GNA13: variants seen among roughly 807,000 people sequenced by gnomAD.
GNA13 encodes the protein G protein subunit alpha 13, also known as guanine nucleotide-binding protein subunit alpha-13.
Under a neutral mutation model 33.5 loss-of-function variants are expected in GNA13, and 4 were observed. The observed-to-expected ratio is 0.12, with a 90% CI of 0.06 to 0.27. The LOEUF (loss-of-function observed/expected upper bound fraction) is 0.27. Ranked by LOEUF, GNA13 falls within the 10% of genes least tolerant of loss-of-function variation. The pLI is 1.00. For synonymous variants in GNA13, 176 were observed against 183.8 expected (o/e 0.96, Z 0.34); for missense variants, 319 against 487.2 (o/e 0.65, Z 3.25).
At position 65,012,627 on chromosome 17, in the gene GNA13, T is replaced by G. The variant is rs1378806424; in HGVS notation, c.*1630A>C. ...AGTCAGGTATGTCAAGAACAATCCCTGGTTAGTTCACTGAAAAGCCCCACT... is the reference window on the plus strand; with the variant it reads ...AGTCAGGTATGTCAAGAACAATCCCGGGTTAGTTCACTGAAAAGCCCCACT... On this transcript the variant is annotated 3_prime_UTR_variant, in exon 4 of 4. Coordinates refer to ENST00000439174, the MANE Select transcript of GNA13 (RefSeq NM_006572.6). 1 of 229,250 alleles carries G rather than the reference T, an allele frequency of 4.4e-6. No individual in the cohort carries two copies. The highest frequency in any genetic ancestry group is 2.2e-5 in the African/African-American group (1 of 45,096). 14.2% of individuals were successfully genotyped at this position (229,250 alleles called of 1,614,324 possible). A position where few individuals can be genotyped will look rare whatever the true frequency, so the allele number is the denominator to read the frequency against.
At chr17:65,024,345 G>A (rs150573026) in intron 2 of GNA13, among the ~76,000 whole-genome samples, 2 of 152,310 alleles carry the variant, frequency 1.3e-5, no homozygotes, top group East Asian at 1.9e-4. Flanking sequence ...GATCAGAATG[G>A]AGGAATATTT....
chr17:65,053,758 T>C (rs376764889), intron 1 of GNA13, 30 bp from the exon 2 acceptor site: 7 of 1,308,726 alleles, frequency 5.3e-6, no homozygotes, highest in Non-Finnish European at 4.4e-6. Context: ...AAAAAATGTA[T>C]GGAGAGGAGT....
Position 65,020,718 on chromosome 17 carries a change from T to G in GNA13, c.511-2415A>C, listed in dbSNP as rs182661761. On this transcript the variant is annotated intron_variant, in intron 2 of 3. Coordinates refer to ENST00000439174, the MANE Select transcript of GNA13 (RefSeq NM_006572.6). ...CAGGCTGGGGTGCAATGGCGCGATC[T>G]TGGCTCAATACAACCTCCACCTCCC... Among the ~76,000 whole-genome samples, 3 of 152,046 alleles carry G rather than the reference T, an allele frequency of 2.0e-5. No individual in the cohort carries two copies. In the East Asian group the frequency reaches 5.8e-4, roughly 29 times the overall value.
intron 2 of GNA13, among the ~76,000 whole-genome samples, chr17:65,036,969 T>C (rs1018042974): frequency 1.3e-5 from 2 of 152,314 alleles, no homozygotes; most frequent in African/African-American, 2.4e-5. Flanking sequence ...GCAGTTCACT[T>C]GGGTTGCTAG....
At chr17:65,047,188 A>G (rs1381547247) in intron 2 of GNA13, among the ~76,000 whole-genome samples, 3 of 152,230 alleles carry the variant, frequency 2.0e-5, no homozygotes, top group African/African-American at 4.8e-5. Flanking sequence ...CTGACATCTG[A>G]TCAATTTCAT....
intron 2 of GNA13, among the ~76,000 whole-genome samples, chr17:65,046,120 G>T (rs1050325062): frequency 3.3e-5 from 5 of 152,098 alleles, no homozygotes; most frequent in Non-Finnish European, 5.9e-5. Context: ...CTTTTTTGTG[G>T]ACCTGACACT....
At chr17:65,052,791 G>A (rs939509202) in intron 2 of GNA13, among the ~76,000 whole-genome samples, 3 of 152,228 alleles carry the variant, frequency 2.0e-5, no homozygotes, top group Admixed American at 6.5e-5. Context: ...CAATTTGGGA[G>A]GTCAAAGTGG....
chr17:65,025,267 C>A (rs182576137), intron 2 of GNA13, among the ~76,000 whole-genome samples: 2 of 152,244 alleles, frequency 1.3e-5, no homozygotes, highest in East Asian at 3.9e-4. Context: ...ACTATCAGGC[C>A]TTCTTTTGGG....
intron 2 of GNA13, among the ~76,000 whole-genome samples, chr17:65,020,027 T>C (rs527396732): frequency 1.3e-5 from 2 of 152,242 alleles, no homozygotes; most frequent in Non-Finnish European, 2.9e-5. Context: ...CAAATGATGA[T>C]GTCTCTGGAC....
chr17:65,023,822 A>C (rs947480316), intron 2 of GNA13, among the ~76,000 whole-genome samples: 1 of 152,266 alleles, frequency 6.6e-6, no homozygotes, highest in Non-Finnish European at 1.5e-5. Flanking sequence ...AATCCATTTA[A>C]CTACGCAAAT....
chr17:65,018,590 T>C (rs983866904), intron 2 of GNA13, among the ~76,000 whole-genome samples: 1 of 152,174 alleles, frequency 6.6e-6, no homozygotes, highest in Non-Finnish European at 1.5e-5. Context: ...TAACTACGTA[T>C]CCACAGTGAA....
intron 2 of GNA13, among the ~76,000 whole-genome samples, chr17:65,023,401 C>T (rs1341185554): frequency 1.3e-5 from 2 of 152,196 alleles, no homozygotes; most frequent in Admixed American, 6.5e-5. Flanking sequence ...GTCTTAGCAG[C>T]GCTAAAGTTT....
In GNA13 at chr17:65,037,777, G is replaced by GAAAAAAAAAAA. The variant is rs145051963; in HGVS notation, c.510+15724_510+15725insTTTTTTTTTTT. Among the ~76,000 whole-genome samples the GAAAAAAAAAAA allele has an allele frequency of 8.9e-4, 73 of 82,054 alleles. 7 individuals carry two copies. The highest frequency in any genetic ancestry group is 1.5e-3 in the African/African-American group (30 of 19,714). 53.8% of individuals were successfully genotyped at this position (82,054 alleles called of 152,430 possible). ...AGAGAGACCCAGCCTCTACAAAAAT[G>GAAAAAAAAAAA]GAAAAAAAAAAAAAAAAAAAAAAGA... On this transcript the variant is annotated intron_variant, in intron 2 of 3. Transcript: ENST00000439174.
At chr17:65,025,149 C>T (rs538173740) in intron 2 of GNA13, among the ~76,000 whole-genome samples, 57 of 152,250 alleles carry the variant, frequency 3.7e-4, no homozygotes, top group African/African-American at 1.3e-3. Context: ...CCACCCACTT[C>T]GGCCTCCGGG....
chr17:65,046,902 G>A (rs915251677), intron 2 of GNA13, among the ~76,000 whole-genome samples: 5 of 152,262 alleles, frequency 3.3e-5, no homozygotes, highest in Middle Eastern at 3.4e-3. Flanking sequence ...AATTCCGGAA[G>A]CTTTAGCACC....
At chr17:65,018,092 T>TAAAAAAAAAAAAAAAAAAAAAAAAAAAA (rs767082596) in intron 3 of GNA13, among the ~76,000 whole-genome samples, 161 bp downstream of exon 3, 1 of 21,474 alleles carries the variant, frequency 4.7e-5, no homozygotes, top group African/African-American at 1.4e-4. Context: ...ACGCCACCAC[T>TAAAAAAAAAAAAAAAAAAAAAAAAAAAA]AAAAAAAAAA....
chr17:65,037,573 T>G (rs1332274873), intron 2 of GNA13, among the ~76,000 whole-genome samples: 1 of 151,960 alleles, frequency 6.6e-6, no homozygotes, highest in Non-Finnish European at 1.5e-5. Flanking sequence ...TCTCCTACCT[T>G]TCTGGCCACT....
intron 2 of GNA13, among the ~76,000 whole-genome samples, chr17:65,036,135 ACT>A (rs1319439625): frequency 6.6e-6 from 1 of 152,014 alleles, no homozygotes; most frequent in Non-Finnish European, 1.5e-5. Context: ...TCCCAACCAA[ACT>A]CTCTCCAGAA....
chr17:65,021,744 T>C (rs917067890), intron 2 of GNA13, among the ~76,000 whole-genome samples: 4 of 152,118 alleles, frequency 2.6e-5, no homozygotes, highest in African/African-American at 9.7e-5. Context: ...TTATAGAAAA[T>C]AGGTAAAGAG....
Sources: gnomAD v4.1 joint callset for allele counts (sites outside exome capture counted in the v4.1 genomes callset) on GRCh38, gnomAD v4.1.1 for gene constraint, MANE v1.5 for transcripts, NCBI Gene and HGNC (gene_info 2026-07-23, HGNC 2026-07-21) for gene names.